The following GNAO1 variants were observed in gnomAD, a reference collection of about 807,000 sequenced individuals.
GNAO1 encodes G protein subunit alpha o1.
For missense variants in GNAO1, 166 were observed against 478.7 expected (o/e 0.35, Z 6.10); for synonymous variants, 164 against 180.7 (o/e 0.91, Z 0.74).
chr16:56,234,384 C>G (rs564297233), intron 2 of GNAO1, among the ~76,000 whole-genome samples: 13 of 152,362 alleles, frequency 8.5e-5, no homozygotes, highest in African/African-American at 2.9e-4. Flanking sequence ...TGGGGCAGTT[C>G]AGACTGATCT....
At chr16:56,201,001 A>G (rs2036277558) in intron 2 of GNAO1, among the ~76,000 whole-genome samples, 1 of 152,228 alleles carries the variant, frequency 6.6e-6, no homozygotes, top group African/African-American at 2.4e-5. Context: ...CTGTCCATCC[A>G]TAAGCATTTA....
chr16:56,233,926 C>T (rs114467679), intron 2 of GNAO1, among the ~76,000 whole-genome samples: 1 of 152,320 alleles, frequency 6.6e-6, no homozygotes, highest in Non-Finnish European at 1.5e-5. Flanking sequence ...AACCAAGGCA[C>T]TGGACCAAAA....
intron 3 of GNAO1, among the ~76,000 whole-genome samples, chr16:56,282,366 C>G (rs2037122936): frequency 1.3e-5 from 1 of 77,090 alleles, no homozygotes; most frequent in Non-Finnish European, 2.5e-5. Flanking sequence ...GGCAATTATT[C>G]TCATTTATTT....
At chr16:56,291,016 A>G (rs1029897365) in intron 3 of GNAO1, among the ~76,000 whole-genome samples, 2 of 152,186 alleles carry the variant, frequency 1.3e-5, no homozygotes, top group Non-Finnish European at 2.9e-5. Flanking sequence ...TCTATTCATC[A>G]TTTGATGGAC....
intron 3 of GNAO1, among the ~76,000 whole-genome samples, chr16:56,285,116 A>G (rs544416822): frequency 6.6e-6 from 1 of 152,324 alleles, no homozygotes; most frequent in East Asian, 1.9e-4. Flanking sequence ...CTACATGTTC[A>G]TTGCCTGTAG....
chr16:56,337,938 A>C (rs190987743), intron 6 of GNAO1, among the ~76,000 whole-genome samples: 1 of 152,116 alleles, frequency 6.6e-6, no homozygotes, highest in African/African-American at 2.4e-5. Context: ...AACACATGCA[A>C]ATCCCCCACC....
At chr16:56,280,105 C>T (rs755874105) in intron 3 of GNAO1, among the ~76,000 whole-genome samples, 3 of 152,206 alleles carry the variant, frequency 2.0e-5, no homozygotes, top group Non-Finnish European at 4.4e-5. Context: ...GGTACTAAGC[C>T]ACGTGTGAAG....
chr16:56,338,019 G>A (rs1258942405), intron 6 of GNAO1, among the ~76,000 whole-genome samples: 7 of 152,226 alleles, frequency 4.6e-5, no homozygotes, highest in Non-Finnish European at 2.9e-5. Flanking sequence ...TGGGCCTTGA[G>A]CGAGGCCTGT....
intron 2 of GNAO1, among the ~76,000 whole-genome samples, chr16:56,242,688 TAAAC>T (rs1392613405): frequency 5.3e-5 from 8 of 152,208 alleles, no homozygotes; most frequent in African/African-American, 1.2e-4. Flanking sequence ...ATCAAAGACT[TAAAC>T]AAAAGAACAA....
intron 2 of GNAO1, among the ~76,000 whole-genome samples, chr16:56,227,170 A>G: frequency 6.6e-6 from 1 of 152,156 alleles, no homozygotes; most frequent in Non-Finnish European, 1.5e-5. Context: ...AAAGAAAACA[A>G]GAAGAAGAAG....
chr16:56,261,757 T>C (rs1165634006), intron 2 of GNAO1, among the ~76,000 whole-genome samples: 1 of 152,138 alleles, frequency 6.6e-6, no homozygotes, highest in Non-Finnish European at 1.5e-5. Flanking sequence ...TGTCCTATGG[T>C]GGTGTAACCC....
intron 2 of GNAO1, among the ~76,000 whole-genome samples, chr16:56,248,656 A>G (rs574172332): frequency 1.3e-5 from 2 of 152,338 alleles, no homozygotes; most frequent in African/African-American, 4.8e-5. Context: ...TCTCCAAGAT[A>G]ACATTTAAGC....
intron 3 of GNAO1, among the ~76,000 whole-genome samples, chr16:56,281,248 A>G (rs552695816): frequency 2.1e-3 from 319 of 152,276 alleles, no homozygotes; most frequent in Non-Finnish European, 4.0e-3. Context: ...GGTAAAACAA[A>G]TCATTCAAAG....
rs1392566467 is a variant in GNAO1 at position 56,326,316 on chromosome 16, A to G, written c.304-2315A>G. ...GTGGTTACCTTGCATTTTGGTTAGGAGAGTGGTCTGAGCAAAGTCCTGTCA... is the reference window on the plus strand; with the variant it reads ...GTGGTTACCTTGCATTTTGGTTAGGGGAGTGGTCTGAGCAAAGTCCTGTCA... On this transcript the variant is annotated intron_variant, in intron 3 of 8. Transcript: ENST00000262493. This position sits in a 1 kb window ranked among gnomAD's most constrained non-coding sequence, Gnocchi z 4.8. Among the ~76,000 whole-genome samples the G allele has an allele frequency of 6.6e-6, 1 of 152,172 alleles. No individual in the cohort carries two copies. Among genetic ancestry groups the G allele is most frequent in the African/African-American group, 2.4e-5 (1 of 41,426 alleles).
rs570507583 is a variant in GNAO1 at position 56,338,830 on chromosome 16, T to C, written c.723+1970T>C. ...ATGAGCCTGGTGCTGGGCCTGGCAC[T>C]GGGTGACCTTCCAGCCTGCGGGCCT... is the stretch of plus-strand genomic sequence containing the variant. On this transcript the variant is annotated intron_variant, in intron 6 of 8. Coordinates refer to ENST00000262493, the MANE Select transcript of GNAO1 (RefSeq NM_020988.3). 3.9e-5 allele frequency among the ~76,000 whole-genome samples: 6 copies of C among 152,352 alleles called. No individual in the cohort carries two copies. In the East Asian group the frequency reaches 1.2e-3, roughly 29 times the overall value.
intron 2 of GNAO1, among the ~76,000 whole-genome samples, chr16:56,212,154 T>C (rs1444012638): frequency 6.6e-6 from 1 of 152,256 alleles, no homozygotes; most frequent in Non-Finnish European, 1.5e-5. Flanking sequence ...GTAAATGTTC[T>C]TTTCAAACTC....
chr16:56,235,376 T>C (rs1462822062), intron 2 of GNAO1: 11 of 455,892 alleles, frequency 2.4e-5, no homozygotes, highest in African/African-American at 2.2e-4. Flanking sequence ...CTGCAGGGAC[T>C]ACAAGGAGGT....
intron 6 of GNAO1, chr16:56,343,886 T>A: frequency 6.2e-7 from 1 of 1,614,186 alleles, no homozygotes; most frequent in Non-Finnish European, 8.5e-7. Context: ...AACATCCAGT[T>A]TGTCTTTGAT....
intron 2 of GNAO1, among the ~76,000 whole-genome samples, chr16:56,236,569 G>A (rs1337466091): frequency 6.6e-6 from 1 of 152,026 alleles, no homozygotes; most frequent in Non-Finnish European, 1.5e-5. Context: ...CCAGTCTTAG[G>A]TCACCCTGCA....
Sources: gnomAD v4.1 joint callset for allele counts (sites outside exome capture counted in the v4.1 genomes callset) on GRCh38, gnomAD v4.1.1 for gene constraint, Gnocchi (gnomAD v3.1) non-coding constraint, MANE v1.5 for transcripts, NCBI Gene and HGNC (gene_info 2026-07-23, HGNC 2026-07-21) for gene names.